TEPSIN: variants seen among roughly 807,000 people sequenced by gnomAD.
TEPSIN encodes the protein TEPSIN adaptor related protein complex 4 accessory protein, also known as AP-4 complex accessory subunit tepsin.
TEPSIN carries 50 observed loss-of-function variants against 48.5 expected under a neutral mutation model. That is an observed-to-expected ratio of 1.03 (90% CI 0.82 to 1.31). TEPSIN has a LOEUF of 1.31. Among genes scored for constraint, TEPSIN ranks in the 50% most tolerant of loss-of-function variants. The pLI is 0.00. For synonymous variants in TEPSIN, 392 were observed against 358.8 expected (o/e 1.09, Z -1.05); for missense variants, 838 against 815.9 (o/e 1.03, Z -0.33).
In TEPSIN at chr17:81,233,159, T is replaced by C; in HGVS notation, c.526+273A>G. ...GCACAGCCCTCGGCCCCTCTCAGAG[T>C]GGGACTCACCCCTGCCACGGGGCCC... On this transcript the variant is annotated intron_variant, in intron 7 of 12. Transcript: ENST00000637944. The surrounding 1 kb of genome is among the most constrained non-coding windows in gnomAD (Gnocchi z 5.8). 1.9e-6 allele frequency: 1 copy of C among 535,726 alleles called. No individual in the cohort carries two copies. The highest frequency in any genetic ancestry group is 2.0e-5 in the African/African-American group (1 of 51,130). The allele number at this position is 535,726 out of a possible 1,614,324, so 33.2% of individuals were successfully genotyped here. A position where few individuals can be genotyped will look rare whatever the true frequency, so the allele number is the denominator to read the frequency against.
rs914732707 is a variant in TEPSIN at position 81,230,016 on chromosome 17, G to A, written c.1233+528C>T. 3 of 168,718 alleles carry A rather than the reference G, an allele frequency of 1.8e-5. No individual in the cohort carries two copies. The highest frequency in any genetic ancestry group is 7.2e-5 in the African/African-American group (3 of 41,756). The allele number at this position is 168,718 out of a possible 1,614,324, so 10.5% of individuals were successfully genotyped here. A position where few individuals can be genotyped will look rare whatever the true frequency, so the allele number is the denominator to read the frequency against. Reference sequence around the variant, plus strand: ...GTTTCCAGCAGCCAGGGAGAAAACAGGAAGAAAGAAGCTGGGAATGCCCAC... The same window carrying A: ...GTTTCCAGCAGCCAGGGAGAAAACAAGAAGAAAGAAGCTGGGAATGCCCAC... On this transcript the variant is annotated intron_variant, in intron 12 of 12. Coordinates refer to ENST00000637944, the MANE Select transcript of TEPSIN (RefSeq NM_001363764.2). The surrounding 1 kb of genome is among the most constrained non-coding windows in gnomAD (Gnocchi z 4.2).
intron 9 of TEPSIN, 42 bp downstream of exon 9, chr17:81,231,805 G>A: frequency 1.2e-6 from 2 of 1,608,458 alleles, no homozygotes; most frequent in Non-Finnish European, 8.5e-7. Context: ...ACAGTGTGGT[G>A]CCTCCGAGAC....
At chr17:81,235,305 C>T (rs1036734085) in intron 4 of TEPSIN, among the ~76,000 whole-genome samples, 2 of 152,224 alleles carry the variant, frequency 1.3e-5, no homozygotes, top group Non-Finnish European at 2.9e-5. Flanking sequence ...TTTCCTCTTT[C>T]TGACGCTCTG....
chr17:81,236,921 C>T, intron 3 of TEPSIN, 59 bp downstream of exon 3: 1 of 1,536,180 alleles, frequency 6.5e-7, no homozygotes, highest in Non-Finnish European at 8.8e-7. Flanking sequence ...GTCTGCTCCT[C>T]CATCCTCACC....
intron 4 of TEPSIN, among the ~76,000 whole-genome samples, chr17:81,235,744 G>A (rs1448636322): frequency 6.6e-6 from 1 of 152,208 alleles, no homozygotes; most frequent in Non-Finnish European, 1.5e-5. Context: ...TGGCCCCAAA[G>A]CTGTGAGGAG....
intron 1 of TEPSIN, 197 bp downstream of exon 1, chr17:81,238,789 G>A: frequency 1.5e-6 from 2 of 1,319,784 alleles, no homozygotes; most frequent in Non-Finnish European, 1.9e-6. Flanking sequence ...GGTCCGGCTT[G>A]GAAGGCCCGG....
chr17:81,229,664 G>A (rs1442456504), intron 12 of TEPSIN, 188 bp from the exon 13 acceptor site: 3 of 639,868 alleles, frequency 4.7e-6, no homozygotes, highest in Non-Finnish European at 8.1e-6. Flanking sequence ...GAGAGCAGCT[G>A]CTGGGCTGGT....
chr17:81,230,106 G>T lies in TEPSIN; in HGVS notation c.1233+438C>A, dbSNP rs61747363. The stretch of plus-strand genomic sequence containing the variant: ...GCCTCCCCGTGTGATTCCAGTGGCC[G>T]CCAGGCAGTTCAGAGTGTTCAAGTG... On this transcript the variant is annotated intron_variant, in intron 12 of 12. Transcript: ENST00000637944. This position sits in a 1 kb window ranked among gnomAD's most constrained non-coding sequence, Gnocchi z 4.2. 9.3e-3 allele frequency: 1,584 copies of T among 171,106 alleles called. 30 individuals are homozygous for T. Among genetic ancestry groups the T allele is most frequent in the African/African-American group, 0.036 (1,522 of 41,970 alleles). The allele number at this position is 171,106 out of a possible 1,614,324, so 10.6% of individuals were successfully genotyped here. A position where few individuals can be genotyped will look rare whatever the true frequency, so the allele number is the denominator to read the frequency against.
rs2062561809 is a variant in TEPSIN at position 81,230,226 on chromosome 17, G to A, written c.1233+318C>T. 2.7e-6 allele frequency: 1 copy of A among 368,332 alleles called. No homozygotes were observed. Among genetic ancestry groups the A allele is most frequent in the Non-Finnish European group, 5.0e-6 (1 of 200,368 alleles). The allele number at this position is 368,332 out of a possible 1,614,324, so 22.8% of individuals were successfully genotyped here. ...GCAAACTGCATGTGCAGTCAGGGAG[G>A]GCTTCCTGGAAGAGGTAAGTGTGAG... On this transcript the variant is annotated intron_variant, in intron 12 of 12. Coordinates refer to ENST00000637944, the MANE Select transcript of TEPSIN (RefSeq NM_001363764.2). This position sits in a 1 kb window ranked among gnomAD's most constrained non-coding sequence, Gnocchi z 4.2.
chr17:81,233,634 C>G lies in TEPSIN; in HGVS notation c.454+4G>C. The G allele has an allele frequency of 6.3e-7, 1 of 1,597,602 alleles. No homozygotes were observed. The highest frequency in any genetic ancestry group is 2.3e-5 in the East Asian group (1 of 44,270). On this transcript the variant is annotated splice_donor_region_variant and intron_variant, in intron 6 of 12. Coordinates refer to ENST00000637944, the MANE Select transcript of TEPSIN (RefSeq NM_001363764.2). The surrounding 1 kb of genome is among the most constrained non-coding windows in gnomAD (Gnocchi z 5.8). ...AGCTGGACACGGTCCCCTCAGTCAC[C>G]TACCTGTGGCAGGCGGGGTCCCCAG...
chr17:81,229,113 A>C lies in TEPSIN; in HGVS notation c.1597T>G (p.Trp533Gly). The change falls in exon 13 of 13, where the codon TGG becomes GGG. Residue 533 changes from tryptophan (W) to glycine (G), a missense_variant. Coordinates refer to ENST00000637944, the MANE Select transcript of TEPSIN (RefSeq NM_001363764.2). ...SPKRGPSSCA[W>G]SRDSLFAGME... Reference sequence around the variant, plus strand: ...CCAGCAAACAAGGAGTCGCGGCTCCACGCACAGCTGCTGGGGCCTCTCTTT... The same window carrying C: ...CCAGCAAACAAGGAGTCGCGGCTCCCCGCACAGCTGCTGGGGCCTCTCTTT... The C allele has an allele frequency of 6.2e-7, 1 of 1,613,386 alleles. No homozygotes were observed.
rs1234811142 is a variant in TEPSIN at position 81,234,069 on chromosome 17, GT to G, written c.308-22del. 3 of 1,572,528 alleles carry G rather than the reference GT, an allele frequency of 1.9e-6. No individual in the cohort carries two copies. The highest frequency in any genetic ancestry group is 4.6e-5 in the East Asian group (2 of 43,650). On this transcript the variant is annotated intron_variant, in intron 4 of 12. Transcript: ENST00000637944. The surrounding 1 kb of genome is among the most constrained non-coding windows in gnomAD (Gnocchi z 5.4). Reference sequence around the variant, plus strand: ...AAAAGCTGCAGAACAGAAAAGGCAAGTCGGGGGCAGGGCTGAGCCTGGCACC... The same window carrying G: ...AAAAGCTGCAGAACAGAAAAGGCAAGCGGGGGCAGGGCTGAGCCTGGCACC...
At chr17:81,232,572 G>A (rs548606997) in intron 7 of TEPSIN, 54 bp from the exon 8 acceptor site, 24 of 1,473,494 alleles carry the variant, frequency 1.6e-5, no homozygotes, top group South Asian at 1.5e-4. Context: ...CCCCACCCGC[G>A]TTCTCTGGGA....
In TEPSIN at chr17:81,233,203, G is replaced by C; in HGVS notation, c.526+229C>G. 5.2e-6 allele frequency: 3 copies of C among 581,070 alleles called. No homozygotes were observed. The highest frequency in any genetic ancestry group is 9.0e-6 in the Non-Finnish European group (3 of 332,856). The allele number at this position is 581,070 out of a possible 1,614,324, so 36.0% of individuals were successfully genotyped here. On this transcript the variant is annotated intron_variant, in intron 7 of 12. Coordinates refer to ENST00000637944, the MANE Select transcript of TEPSIN (RefSeq NM_001363764.2). This position sits in a 1 kb window ranked among gnomAD's most constrained non-coding sequence, Gnocchi z 5.8. ...GGGGCCCAGCCCTGACTTCTTGCTC[G>C]GCCTGGTTTCTCTCATCTGTCCATA...
chr17:81,237,430 A>G lies in TEPSIN; in HGVS notation c.78T>C (p.Asp26=), dbSNP rs780123252. Residue 26 remains aspartate, a synonymous_variant, in exon 2 of 13, where the codon GAT becomes GAC. Transcript: ENST00000637944. The stretch of plus-strand genomic sequence containing the variant: ...GGTAGCCCGGACACGGGACATCATC[A>G]TCGGACGTCCCCTTCAGGAGAATCG... ...RLPILLKGTS[D]DDVPCPGYLF... 14 of 1,611,570 alleles carry G rather than the reference A, an allele frequency of 8.7e-6. 1 individual carries two copies. In the South Asian group the frequency reaches 1.4e-4, roughly 17 times the overall value.
rs747751863 is a variant in TEPSIN, at chr17:81,229,062, G to C, written c.1648C>G (p.Leu550Val). Reference protein sequence around the residue: ...AGMELVACPRLVGAGAAAGES... With the variant: ...AGMELVACPRVVGAGAAAGES... ...CCCGCAGCAGCCCCAGCCCCCACCA[G>C]GCGGGGACAGGCCACCAGCTCCATG... The change falls in exon 13 of 13, where the codon CTG becomes GTG. Residue 550 changes from leucine to valine, a missense_variant. Physicochemically the swap from Leu to Val is conservative, Grantham distance 32. Transcript: ENST00000637944. The C allele has an allele frequency of 1.8e-5, 29 of 1,613,436 alleles. No individual in the cohort carries two copies. In the Admixed American group the frequency reaches 4.8e-4, roughly 27 times the overall value.
rs1191984918 is a variant in TEPSIN at position 81,236,696 on chromosome 17, C to T, written c.307+12G>A. ...CCCTGGCTCTTCCTGAGCGCGTGCG[C>T]GGCCCCTGTACCTGCAGCTTCCTGG... On this transcript the variant is annotated intron_variant, in intron 4 of 12. Coordinates refer to ENST00000637944, the MANE Select transcript of TEPSIN (RefSeq NM_001363764.2). 7 of 1,554,208 alleles carry T rather than the reference C, an allele frequency of 4.5e-6. No homozygotes were observed. Among genetic ancestry groups the T allele is most frequent in the Admixed American group, 1.9e-5 (1 of 51,326 alleles).
In TEPSIN at chr17:81,229,256, G is replaced by GT; in HGVS notation, c.1453dup (p.Thr485AsnfsTer31). 6.4e-7 allele frequency: 1 copy of GT among 1,566,948 alleles called. No individual in the cohort carries two copies. The highest frequency in any genetic ancestry group is 1.4e-5 in the African/African-American group (1 of 71,974). On this transcript the variant is annotated frameshift_variant, in exon 13 of 13. Transcript: ENST00000637944. LOFTEE classifies it low-confidence loss of function (END_TRUNC). Reference sequence around the variant, plus strand: ...AATGGGGGAGGCATCTGGGGGTGGGGTGGGCACAGGGCTGGACGGCATCCC... The same window carrying GT: ...AATGGGGGAGGCATCTGGGGGTGGGGTTGGGCACAGGGCTGGACGGCATCCC...
In TEPSIN at chr17:81,229,189, T is replaced by G. The variant is rs1299256548; in HGVS notation, c.1521A>C (p.Ala507=). ...GTTCAGGTCTCCACCGCCTGCTTTC[T>G]GCCAGTCTGGCCTCGGCCTCGCTGG... The part of the protein sequence containing the change: ...GDPSEAEARL[A]ESRRWRPERI... Residue 507 remains alanine (A), a synonymous_variant, in exon 13 of 13, where the codon GCA becomes GCC. Transcript: ENST00000637944. 6.8e-7 allele frequency: 1 copy of G among 1,478,584 alleles called. No homozygotes were observed. Among genetic ancestry groups the G allele is most frequent in the Admixed American group, 1.8e-5 (1 of 54,708 alleles). 91.6% of individuals were successfully genotyped at this position (1,478,584 alleles called of 1,614,324 possible). A position where few individuals can be genotyped will look rare whatever the true frequency, so the allele number is the denominator to read the frequency against.
Sources: allele counts gnomAD v4.1 joint callset (sites outside exome capture counted in the v4.1 genomes callset), GRCh38; gene constraint gnomAD v4.1.1; non-coding constraint Gnocchi (gnomAD v3.1); transcripts MANE v1.5; gene names NCBI Gene and HGNC (gene_info 2026-07-23, HGNC 2026-07-21).